ANXA10: variants seen among roughly 807,000 people sequenced by gnomAD.
The protein encoded by ANXA10 is annexin 14.
In ANXA10, 49 loss-of-function variants were observed where a neutral mutation model predicts 53.5. The ratio of observed to expected loss-of-function variants is 0.92; its 90% CI spans 0.73 to 1.16. The LOEUF is 1.16. Ranked by LOEUF, ANXA10 falls within the 50% of genes most tolerant of loss-of-function variation. The probability of loss-of-function intolerance (pLI) is 0.00; values close to 1 mark genes in which losing one functional copy is unlikely to be tolerated. For missense variants in ANXA10, 393 were observed against 394.4 expected, an observed-to-expected ratio of 1.00 and a Z score of 0.03; for synonymous variants, 131 against 128.9, an observed-to-expected ratio of 1.02 and a Z score of -0.11.
intron 6 of ANXA10, 58 bp downstream of exon 6, chr4:168,165,384 A>T (rs2149477779): frequency 4.4e-6 from 3 of 674,232 alleles, no homozygotes; most frequent in African/African-American, 2.9e-5. Flanking sequence ...AGTATATGTC[A>T]TTGCCAAAAA....
intron 3 of ANXA10, among the ~76,000 whole-genome samples, chr4:168,148,998 T>G (rs140984306): frequency 6.6e-6 from 1 of 152,144 alleles, no homozygotes; most frequent in African/African-American, 2.4e-5. Flanking sequence ...TCGACACTTC[T>G]GAGAAAACTC....
chr4:168,187,293 C>A, intron 11 of ANXA10, 73 bp from the exon 12 acceptor site: 3 of 1,009,454 alleles, frequency 3.0e-6, no homozygotes, highest in Non-Finnish European at 4.3e-6. Flanking sequence ...ATAGTGCAGT[C>A]CAGAGGAATT....
intron 1 of ANXA10, among the ~76,000 whole-genome samples, chr4:168,101,635 C>T (rs1488781825): frequency 6.6e-6 from 1 of 151,990 alleles, no homozygotes; most frequent in African/African-American, 2.4e-5. Flanking sequence ...CCATTGAAGA[C>T]CGATATTTAA....
chr4:168,151,376 C>T (rs914766545), intron 3 of ANXA10, among the ~76,000 whole-genome samples: 16 of 151,908 alleles, frequency 1.1e-4, no homozygotes, highest in Admixed American at 2.6e-4. Context: ...AAAGGTAAGA[C>T]GAATAAGAAA....
At chr4:168,107,777 C>T (rs1245615472) in intron 1 of ANXA10, among the ~76,000 whole-genome samples, 1 of 152,144 alleles carries the variant, frequency 6.6e-6, no homozygotes, top group Non-Finnish European at 1.5e-5. Flanking sequence ...CATAAAGATA[C>T]TAATCCCATC....
At chr4:168,180,976 A>G (rs988036094) in intron 9 of ANXA10, among the ~76,000 whole-genome samples, 15 of 152,170 alleles carry the variant, frequency 9.9e-5, no homozygotes. Flanking sequence ...AGGTCTACTC[A>G]CAAATCTATA....
intron 1 of ANXA10, among the ~76,000 whole-genome samples, chr4:168,093,986 G>T (rs1298223404): frequency 2.0e-5 from 3 of 152,094 alleles, no homozygotes; most frequent in East Asian, 3.8e-4. Context: ...AGAAAAAAAG[G>T]TATCAAGTAA....
intron 1 of ANXA10, among the ~76,000 whole-genome samples, chr4:168,115,476 A>G (rs76403012): frequency 0.021 from 2,857 of 137,746 alleles, 94 homozygotes; most frequent in African/African-American, 0.072. Flanking sequence ...CTGCCTTTCC[A>G]TCCCTCCCTA....
intron 1 of ANXA10, among the ~76,000 whole-genome samples, chr4:168,109,725 T>C (rs1449520412): frequency 6.6e-6 from 1 of 152,200 alleles, no homozygotes; most frequent in African/African-American, 2.4e-5. Flanking sequence ...ATAATCAATA[T>C]TTGCTGAATC....
chr4:168,092,612 G>A lies in ANXA10; in HGVS notation c.-89G>A. 7.6e-7 allele frequency: 1 copy of A among 1,308,686 alleles called. No individual in the cohort carries two copies. The highest frequency in any genetic ancestry group is 1.1e-6 in the Non-Finnish European group (1 of 925,988). The allele number at this position is 1,308,686 out of a possible 1,614,324, so 81.1% of individuals were successfully genotyped here. A position where few individuals can be genotyped will look rare whatever the true frequency, so the allele number is the denominator to read the frequency against. On this transcript the variant is annotated 5_prime_UTR_variant, in exon 1 of 12. Transcript: ENST00000359299. ...ACATATTTACATTTGATTTAACAGT[G>A]AACCTTAATTCTTTCTGGCTTCACA...
chr4:168,122,654 G>A (rs993274736), intron 1 of ANXA10, among the ~76,000 whole-genome samples: 2 of 152,196 alleles, frequency 1.3e-5, no homozygotes, highest in African/African-American at 4.8e-5. Flanking sequence ...ATTCACAGCA[G>A]AAGGTGAAGC....
intron 3 of ANXA10, among the ~76,000 whole-genome samples, chr4:168,151,903 T>C (rs1356282196): frequency 1.3e-5 from 2 of 152,228 alleles, no homozygotes; most frequent in South Asian, 2.1e-4. Context: ...CCTTCACTTA[T>C]TTATGTTCAA....
At chr4:168,180,883 T>A (rs1266478687) in intron 9 of ANXA10, among the ~76,000 whole-genome samples, 1 of 152,182 alleles carries the variant, frequency 6.6e-6, no homozygotes, top group Admixed American at 6.6e-5. Context: ...TAGGCTGTCC[T>A]ACCACCTTAG....
chr4:168,150,395 A>T (rs943323563), intron 3 of ANXA10, among the ~76,000 whole-genome samples: 2 of 152,226 alleles, frequency 1.3e-5, no homozygotes, highest in African/African-American at 4.8e-5. Context: ...AACTTGCACA[A>T]ACATTTTTAT....
chr4:168,163,920 C>T (rs1731828841), intron 4 of ANXA10, among the ~76,000 whole-genome samples: 1 of 152,170 alleles, frequency 6.6e-6, no homozygotes, highest in Admixed American at 6.5e-5. Flanking sequence ...ATGAGCATTG[C>T]TTGAACATGT....
At chr4:168,138,153 G>A (rs1731270494) in intron 2 of ANXA10, among the ~76,000 whole-genome samples, 1 of 151,646 alleles carries the variant, frequency 6.6e-6, no homozygotes, top group Admixed American at 6.6e-5. Flanking sequence ...AGTAGAGATG[G>A]GGTTTCACCA....
chr4:168,110,129 T>C (rs1220887967), intron 1 of ANXA10, among the ~76,000 whole-genome samples: 2 of 152,196 alleles, frequency 1.3e-5, no homozygotes, highest in Admixed American at 1.3e-4. Flanking sequence ...GAGAATGGCA[T>C]GAACCCGGAA....
chr4:168,165,488 C>T (rs544036834), intron 6 of ANXA10, among the ~76,000 whole-genome samples, 162 bp downstream of exon 6: 7 of 151,306 alleles, frequency 4.6e-5, no homozygotes, highest in African/African-American at 1.7e-4. Flanking sequence ...TCAAAATACT[C>T]AACTAGAAAT....
chr4:168,112,853 T>A (rs1339312652), intron 1 of ANXA10, among the ~76,000 whole-genome samples: 1 of 152,040 alleles, frequency 6.6e-6, no homozygotes, highest in Non-Finnish European at 1.5e-5. Context: ...AAATCCTGTC[T>A]CTACTAAAAA....
Sources: allele counts gnomAD v4.1 joint callset (sites outside exome capture counted in the v4.1 genomes callset), GRCh38; gene constraint gnomAD v4.1.1; transcripts MANE v1.5; gene names NCBI Gene and HGNC (gene_info 2026-07-23, HGNC 2026-07-21).